The following MED13L variants were observed in gnomAD, a reference collection of about 807,000 sequenced individuals.
MED13L encodes mediator complex subunit 13L, also known as mediator of RNA polymerase II transcription subunit 13-like.
A neutral mutation model predicts 220.9 loss-of-function variants in MED13L; 7 were observed. The observed-to-expected ratio is 0.03, with a 90% CI of 0.02 to 0.06. The LOEUF (loss-of-function observed/expected upper bound fraction) is 0.06, where lower values mean the gene tolerates loss of function less well. Among genes scored for constraint, MED13L ranks in the 10% least tolerant of loss-of-function variants. The probability of loss-of-function intolerance (pLI) is 1.00; values close to 1 mark genes in which losing one functional copy is unlikely to be tolerated. For synonymous variants in MED13L, 1,011 were observed against 1,015.2 expected (o/e 1.00, Z 0.08); for missense variants, 1,965 against 2,760.5 (o/e 0.71, Z 6.46).
intron 10 of MED13L, 42 bp downstream of exon 10, chr12:116,008,359 C>A (rs760791152): frequency 1.9e-6 from 3 of 1,570,758 alleles, no homozygotes; most frequent in South Asian, 1.2e-5. Flanking sequence ...GGAGCCCATG[C>A]CCTTCCGGTG....
At chr12:116,150,788 T>C (rs1877975701) in intron 2 of MED13L, among the ~76,000 whole-genome samples, 1 of 152,222 alleles carries the variant, frequency 6.6e-6, no homozygotes, top group Non-Finnish European at 1.5e-5. Flanking sequence ...GCTTTGAAAG[T>C]AGTTTAGTCT....
intron 2 of MED13L, among the ~76,000 whole-genome samples, chr12:116,156,890 A>G (rs1252610530): frequency 6.6e-6 from 1 of 152,200 alleles, no homozygotes; most frequent in African/African-American, 2.4e-5. Context: ...AGTACAAGAC[A>G]GAAGCTGAAC....
In MED13L at chr12:115,991,549, G is replaced by A; in HGVS notation, c.3405C>T (p.Ala1135=). 6.2e-7 allele frequency: 1 copy of A among 1,614,106 alleles called. No individual in the cohort carries two copies. ...DRNFDSCCIC[A]CNMNIKGADV... ...CCGCCCCTTTGATGTTCATGTTGCAGGCACAGATGCAACAGCTGTCAAAGT... is the reference window on the plus strand; with the variant it reads ...CCGCCCCTTTGATGTTCATGTTGCAAGCACAGATGCAACAGCTGTCAAAGT... Residue 1135 remains alanine, a synonymous_variant, in exon 17 of 31, where the codon GCC becomes GCT. Transcript: ENST00000281928. This position sits in a 1 kb window ranked among gnomAD's most constrained non-coding sequence, Gnocchi z 7.7.
intron 2 of MED13L, among the ~76,000 whole-genome samples, chr12:116,173,010 G>C (rs960452275): frequency 5.4e-5 from 8 of 149,458 alleles, no homozygotes; most frequent in African/African-American, 2.0e-4. Context: ...GCTAAGATGT[G>C]TCACAGAAGA....
At position 116,019,383 on chromosome 12, in the gene MED13L, A is replaced by T. The variant is rs747135110; in HGVS notation, c.850T>A (p.Phe284Ile). The T allele has an allele frequency of 1.9e-6, 3 of 1,614,074 alleles. No homozygotes were observed. The highest frequency in any genetic ancestry group is 2.5e-6 in the Non-Finnish European group (3 of 1,179,946). ...GGVRMVYPSA[F>I]VLISQNDIPV... ...ATGTCATTCTGAGAGATCAAAACAAATGCTGAAGGGTAAACCATCCGAACA... is the reference window on the plus strand; with the variant it reads ...ATGTCATTCTGAGAGATCAAAACAATTGCTGAAGGGTAAACCATCCGAACA... Residue 284 changes from phenylalanine to isoleucine, a missense_variant, in exon 7 of 31, where the codon TTT becomes ATT. Phe to Ile is a conservative substitution (Grantham distance 21). Around this residue, in one of 10 missense-constraint regions of MED13L, gnomAD observed 818 missense variants for 1,041.2 expected, o/e 0.79. Coordinates refer to ENST00000281928, the MANE Select transcript of MED13L (RefSeq NM_015335.5).
chr12:116,253,598 T>G (rs1293753174), intron 1 of MED13L, among the ~76,000 whole-genome samples: 2 of 151,872 alleles, frequency 1.3e-5, no homozygotes, highest in Non-Finnish European at 2.9e-5. Flanking sequence ...TACCATAAGC[T>G]TAAGTAAGGT....
Position 116,096,723 on chromosome 12 carries a change from A to G in MED13L, c.425T>C (p.Ile142Thr). 1.2e-6 allele frequency: 2 copies of G among 1,614,008 alleles called. No individual in the cohort carries two copies. The highest frequency in any genetic ancestry group is 1.7e-6 in the Non-Finnish European group (2 of 1,179,940). ...GTAGGGTCGGACAAACCATTTCCCA[A>G]TCCTAACGAAGTTCTTATCCATTAG... is the stretch of plus-strand genomic sequence containing the variant. ...RCLMDKNFVRIGKWFVRPYEK... is the reference protein window; with the variant it reads ...RCLMDKNFVRTGKWFVRPYEK... The change falls in exon 4 of 31, where the codon ATT becomes ACT. Residue 142 changes from isoleucine to threonine, a missense_variant. Physicochemically the swap from Ile to Thr is moderately conservative, Grantham distance 89. This residue lies in a region of MED13L where 818 missense variants were observed against 1,041.2 expected (regional missense o/e 0.79). Transcript: ENST00000281928.
At chr12:116,069,969 G>C (rs1870242747) in intron 4 of MED13L, among the ~76,000 whole-genome samples, 1 of 152,140 alleles carries the variant, frequency 6.6e-6, no homozygotes, top group Non-Finnish European at 1.5e-5. Context: ...CTGGTCCCAA[G>C]CATTTTGGAT....
chr12:116,069,780 G>A (rs1047635598), intron 4 of MED13L, among the ~76,000 whole-genome samples: 5 of 152,024 alleles, frequency 3.3e-5, no homozygotes, highest in South Asian at 2.1e-4. Flanking sequence ...CAAAACAGTC[G>A]AAACTGTTTA....
intron 2 of MED13L, among the ~76,000 whole-genome samples, chr12:116,137,461 ACT>A (rs1219987530): frequency 5.9e-5 from 9 of 151,978 alleles, no homozygotes; most frequent in Admixed American, 5.9e-4. Context: ...GAAACAGAAA[ACT>A]CTGGTCTGCT....
chr12:116,200,756 T>A (rs1418943893), intron 2 of MED13L, among the ~76,000 whole-genome samples: 1 of 152,216 alleles, frequency 6.6e-6, no homozygotes, highest in Non-Finnish European at 1.5e-5. Context: ...TAAATTTGAA[T>A]TTTTTAATGA....
intron 4 of MED13L, among the ~76,000 whole-genome samples, chr12:116,050,461 A>G (rs1025113395): frequency 1.4e-4 from 22 of 152,196 alleles, no homozygotes; most frequent in Non-Finnish European, 2.8e-4. Context: ...AGACACTCTA[A>G]TAACCAGTGG....
intron 1 of MED13L, among the ~76,000 whole-genome samples, chr12:116,247,740 C>T (rs921624602): frequency 1.3e-4 from 20 of 152,082 alleles, no homozygotes; most frequent in Non-Finnish European, 2.5e-4. Flanking sequence ...TAAATGTTTT[C>T]CTCAAGTGTC....
At chr12:116,127,501 T>A (rs1435828691) in intron 2 of MED13L, among the ~76,000 whole-genome samples, 1 of 152,162 alleles carries the variant, frequency 6.6e-6, no homozygotes, top group African/African-American at 2.4e-5. Context: ...TGTAGTCCGT[T>A]AAACAGTTAC....
chr12:116,128,823 G>T (rs1310176496), intron 2 of MED13L, among the ~76,000 whole-genome samples: 1 of 152,128 alleles, frequency 6.6e-6, no homozygotes, highest in Non-Finnish European at 1.5e-5. Context: ...CAAGAATAGG[G>T]CATATGTGTT....
intron 2 of MED13L, among the ~76,000 whole-genome samples, chr12:116,203,132 CG>C: frequency 6.6e-6 from 1 of 152,284 alleles, no homozygotes; most frequent in Admixed American, 6.5e-5. Context: ...TCTGAACTCT[CG>C]AGTTTCATCA....
chr12:116,036,907 T>C (rs1244400223), intron 4 of MED13L, among the ~76,000 whole-genome samples: 3 of 152,178 alleles, frequency 2.0e-5, no homozygotes, highest in Non-Finnish European at 4.4e-5. Flanking sequence ...ATCCACATAA[T>C]GAGACTTGAT....
chr12:116,097,623 GA>G (rs1872726697), intron 3 of MED13L, among the ~76,000 whole-genome samples: 1 of 152,150 alleles, frequency 6.6e-6, no homozygotes, highest in African/African-American at 2.4e-5. Context: ...GGCTTTGCAA[GA>G]AACAAGGAAT....
At chr12:116,197,006 A>G (rs138523527) in intron 2 of MED13L, among the ~76,000 whole-genome samples, 191 of 152,352 alleles carry the variant, frequency 1.3e-3, no homozygotes, top group Non-Finnish European at 2.3e-3. Flanking sequence ...AACAGTAACC[A>G]TATTAAGTCT....
Sources: allele counts gnomAD v4.1 joint callset (sites outside exome capture counted in the v4.1 genomes callset), GRCh38; gene constraint gnomAD v4.1.1; regional missense constraint gnomAD v4.1.1; non-coding constraint Gnocchi (gnomAD v3.1); transcripts MANE v1.5; gene names NCBI Gene and HGNC (gene_info 2026-07-23, HGNC 2026-07-21).